Variants in BRINP3 observed in about 807,000 individuals in gnomAD.
BRINP3 encodes BMP/retinoic acid-inducible neural-specific protein 3.
Under a neutral mutation model 71.0 loss-of-function variants are expected in BRINP3, and 19 were observed. That is an observed-to-expected ratio of 0.27 (90% CI 0.19 to 0.39). The LOEUF (loss-of-function observed/expected upper bound fraction) is 0.39. BRINP3 is among the 10% of genes least tolerant of loss of function. BRINP3 has a pLI of 1.00. For synonymous variants in BRINP3, 380 were observed against 337.7 expected, an observed-to-expected ratio of 1.13 and a Z score of -1.37; for missense variants, 959 against 940.8, an observed-to-expected ratio of 1.02 and a Z score of -0.25.
chr1:190,234,503 T>C, intron 4 of BRINP3, 26 bp from the exon 5 acceptor site: 2 of 1,539,334 alleles, frequency 1.3e-6, no homozygotes, highest in South Asian at 2.3e-5. Context: ...TCAACTTTAT[T>C]ATCTAAATCA....
rs200789147 is a variant in BRINP3, at chr1:190,162,195, AT to A, written c.962-1306del. ...TAAGCAGAGTTTAAATAATAGATGCATTTTTTTTTTTTTTGAGATGGGGTTT... is the reference window on the plus strand; with the variant it reads ...TAAGCAGAGTTTAAATAATAGATGCATTTTTTTTTTTTTGAGATGGGGTTT... On this transcript the variant is annotated intron_variant, in intron 6 of 7. Transcript: ENST00000367462. 5.7e-3 allele frequency among the ~76,000 whole-genome samples: 829 copies of A among 144,284 alleles called. 2 individuals carry two copies. Among genetic ancestry groups the A allele is most frequent in the Middle Eastern group, 0.015 (4 of 274 alleles). 94.7% of individuals were successfully genotyped at this position (144,284 alleles called of 152,430 possible). A position where few individuals can be genotyped will look rare whatever the true frequency, so the allele number is the denominator to read the frequency against.
intron 7 of BRINP3, among the ~76,000 whole-genome samples, chr1:190,121,117 A>G (rs1465461676): frequency 1.3e-5 from 2 of 152,164 alleles, no homozygotes; most frequent in Non-Finnish European, 2.9e-5. Flanking sequence ...ATATTGGCAA[A>G]GCTGAAAAAC....
intron 6 of BRINP3, among the ~76,000 whole-genome samples, chr1:190,174,074 C>T (rs1001713374): frequency 2.0e-4 from 31 of 152,184 alleles, no homozygotes; most frequent in African/African-American, 7.5e-4. Context: ...TCCTGATACA[C>T]TTTGAGAAGT....
intron 2 of BRINP3, among the ~76,000 whole-genome samples, chr1:190,337,227 T>C (rs945904769): frequency 6.6e-6 from 1 of 152,024 alleles, no homozygotes; most frequent in Non-Finnish European, 1.5e-5. Flanking sequence ...GGATGGAAAC[T>C]GAGTAGTGTT....
Position 190,277,113 on chromosome 1 carries a change from A to ATATATATATT in BRINP3, c.427+4446_427+4447insAATATATATA, listed in dbSNP as rs746851050. 5.2e-3 allele frequency among the ~76,000 whole-genome samples: 560 copies of ATATATATATT among 107,462 alleles called. 14 individuals are homozygous for ATATATATATT. The highest frequency in any genetic ancestry group is 0.018 in the African/African-American group (535 of 29,428). The allele number at this position is 107,462 out of a possible 152,430, so 70.5% of individuals were successfully genotyped here. ...TATATATATATATATATATATATAT[A>ATATATATATT]TATATTTATATTCAGAAAAGAAAAC... is the stretch of plus-strand genomic sequence containing the variant. On this transcript the variant is annotated intron_variant, in intron 3 of 7. Coordinates refer to ENST00000367462, the MANE Select transcript of BRINP3 (RefSeq NM_199051.3).
At chr1:190,428,180 AC>A (rs1673848596) in intron 2 of BRINP3, among the ~76,000 whole-genome samples, 1 of 151,934 alleles carries the variant, frequency 6.6e-6, no homozygotes, top group Non-Finnish European at 1.5e-5. Flanking sequence ...AAGAGATTGA[AC>A]TAGAAGGTAT....
chr1:190,323,280 A>G (rs1666366294), intron 2 of BRINP3, among the ~76,000 whole-genome samples: 1 of 152,010 alleles, frequency 6.6e-6, no homozygotes, highest in Non-Finnish European at 1.5e-5. Flanking sequence ...TTTTCTTGTT[A>G]GCATAACTGG....
chr1:190,273,994 A>G (rs1662338615), intron 3 of BRINP3, among the ~76,000 whole-genome samples: 1 of 151,642 alleles, frequency 6.6e-6, no homozygotes, highest in Non-Finnish European at 1.5e-5. Flanking sequence ...TTATTCTGAT[A>G]TTAGAAGGAA....
At chr1:190,361,958 T>C (rs1489842394) in intron 2 of BRINP3, 1 of 152,014 alleles carries the variant, frequency 6.6e-6, no homozygotes, top group African/African-American at 2.4e-5. Context: ...GTAATTAGGG[T>C]TAGATGAGAT....
intron 2 of BRINP3, among the ~76,000 whole-genome samples, chr1:190,378,730 T>C (rs916490492): frequency 1.3e-5 from 2 of 152,130 alleles, no homozygotes; most frequent in African/African-American, 4.8e-5. Flanking sequence ...GCAAATTAAG[T>C]GGTCTGGCTA....
At chr1:190,121,013 A>G (rs1653604378) in intron 7 of BRINP3, among the ~76,000 whole-genome samples, 1 of 152,190 alleles carries the variant, frequency 6.6e-6, no homozygotes, top group South Asian at 2.1e-4. Context: ...AATATAAACA[A>G]GAAAGATATC....
intron 2 of BRINP3, among the ~76,000 whole-genome samples, chr1:190,413,020 T>C (rs1212614947): frequency 6.6e-6 from 1 of 152,168 alleles, no homozygotes; most frequent in African/African-American, 2.4e-5. Context: ...TTTTTAAAAA[T>C]CTCTTTATGT....
chr1:190,162,602 A>G (rs1417777448), intron 6 of BRINP3, among the ~76,000 whole-genome samples: 1 of 152,146 alleles, frequency 6.6e-6, no homozygotes, highest in Non-Finnish European at 1.5e-5. Flanking sequence ...CTAATTACTC[A>G]TTTCATTGTC....
At chr1:190,226,853 T>G (rs1341552510) in intron 5 of BRINP3, among the ~76,000 whole-genome samples, 2 of 151,894 alleles carry the variant, frequency 1.3e-5, no homozygotes, top group Non-Finnish European at 1.5e-5. Context: ...TTTTCAAGAG[T>G]GAGTACCAAA....
chr1:190,283,452 T>A (rs1663190771), intron 2 of BRINP3, among the ~76,000 whole-genome samples: 1 of 151,896 alleles, frequency 6.6e-6, no homozygotes, highest in South Asian at 2.1e-4. Context: ...CAAAGTGTCA[T>A]CTTTTCAGTA....
At chr1:190,153,909 G>A (rs1656643135) in intron 7 of BRINP3, 1 of 178,010 alleles carries the variant, frequency 5.6e-6, no homozygotes, top group Non-Finnish European at 1.1e-5. Context: ...ACTTTTATTT[G>A]TTGGGATGCA....
intron 7 of BRINP3, among the ~76,000 whole-genome samples, chr1:190,138,473 A>G (rs1655158866): frequency 1.3e-5 from 2 of 152,224 alleles, no homozygotes; most frequent in African/African-American, 2.4e-5. Context: ...GAAAGCAGGT[A>G]TGAGTCAGAA....
intron 7 of BRINP3, among the ~76,000 whole-genome samples, chr1:190,120,358 T>C (rs1653533856): frequency 6.6e-6 from 1 of 152,072 alleles, no homozygotes; most frequent in African/African-American, 2.4e-5. Context: ...TATTAGAAAA[T>C]ACAACATATA....
At chr1:190,188,122 T>G (rs957660141) in intron 6 of BRINP3, among the ~76,000 whole-genome samples, 1 of 152,122 alleles carries the variant, frequency 6.6e-6, no homozygotes, top group African/African-American at 2.4e-5. Flanking sequence ...TCTTAAACAT[T>G]TTTGTACCTA....
Sources: allele counts gnomAD v4.1 joint callset (sites outside exome capture counted in the v4.1 genomes callset), GRCh38; gene constraint gnomAD v4.1.1; transcripts MANE v1.5; gene names NCBI Gene and HGNC (gene_info 2026-07-23, HGNC 2026-07-21).